The following GRIP1 variants were observed in gnomAD, a reference collection of about 807,000 sequenced individuals.
The protein encoded by GRIP1 is glutamate receptor-interacting protein 1.
In GRIP1, 45 loss-of-function variants were observed where a neutral mutation model predicts 129.9. The ratio of observed to expected loss-of-function variants is 0.35; its 90% CI spans 0.27 to 0.44. GRIP1 has a LOEUF of 0.44. Ranked by LOEUF, GRIP1 falls within the 20% of genes least tolerant of loss-of-function variation. The pLI is 1.00. For synonymous variants in GRIP1, 530 were observed against 520.8 expected (o/e 1.02, Z -0.24); for missense variants, 1,196 against 1,396.8 (o/e 0.86, Z 2.29).
At chr12:66,983,297 T>C (rs920237093) in intron 1 of GRIP1, among the ~76,000 whole-genome samples, 3 of 152,188 alleles carry the variant, frequency 2.0e-5, no homozygotes, top group Admixed American at 6.5e-5. Flanking sequence ...AATTAATAAA[T>C]TAATAACAAA....
At chr12:66,807,196 A>G (rs2039010456), upstream of GRIP1, among the ~76,000 whole-genome samples, 1 of 152,042 alleles carries the variant, frequency 6.6e-6, no homozygotes, top group Non-Finnish European at 1.5e-5. Context: ...ATTTCTTGAT[A>G]TGGTTTATAT....
intron 1 of GRIP1, among the ~76,000 whole-genome samples, chr12:66,938,813 C>T (rs185232097): frequency 2.2e-4 from 34 of 152,076 alleles, no homozygotes; most frequent in Admixed American, 9.2e-4. Context: ...AAAAATTAGC[C>T]AGGCGTGGTG....
At chr12:66,425,366 C>T (rs532370442) in intron 14 of GRIP1, among the ~76,000 whole-genome samples, 2 of 152,192 alleles carry the variant, frequency 1.3e-5, no homozygotes, top group Non-Finnish European at 2.9e-5. Context: ...CACTTTTACA[C>T]TGTTGGTGGG....
intron 1 of GRIP1, among the ~76,000 whole-genome samples, chr12:66,907,157 T>C (rs1399414768): frequency 6.6e-6 from 1 of 152,224 alleles, no homozygotes; most frequent in African/African-American, 2.4e-5. Context: ...TCATTTTTTG[T>C]TAGTTGACTT....
chr12:66,761,413 C>T (rs1170734750), intron 1 of GRIP1, among the ~76,000 whole-genome samples: 1 of 152,122 alleles, frequency 6.6e-6, no homozygotes, highest in Non-Finnish European at 1.5e-5. Flanking sequence ...CTTATTGTTT[C>T]CTTACCTAAA....
At chr12:66,987,065 G>T (rs11176517) in intron 1 of GRIP1, among the ~76,000 whole-genome samples, 30,080 of 151,768 alleles carry the variant, frequency 0.2, 3,079 homozygotes, top group East Asian at 0.4. Flanking sequence ...CCTAATCAGG[G>T]GTCAGAAGAA....
At position 66,449,257 on chromosome 12, in the gene GRIP1, A is replaced by G. The variant is rs116212964; in HGVS notation, c.1355-3749T>C. Among the ~76,000 whole-genome samples the G allele has an allele frequency of 2.6e-3, 401 of 152,292 alleles. 5 individuals are homozygous for G. The highest frequency in any genetic ancestry group is 9.3e-3 in the African/African-American group (388 of 41,560). ...ATCTTAGTGCCTGGAAGATTCAACA[A>G]ATGCTGAATAAATGAGGAATGAATC... On this transcript the variant is annotated intron_variant, in intron 11 of 24. Coordinates refer to ENST00000359742, the MANE Select transcript of GRIP1 (RefSeq NM_001366722.1).
intron 2 of GRIP1, among the ~76,000 whole-genome samples, chr12:66,577,056 TA>T (rs1366362199): frequency 8.5e-5 from 13 of 152,174 alleles, no homozygotes; most frequent in Non-Finnish European, 4.4e-5. Context: ...TGCTCCATGC[TA>T]AAGACCATTG....
At chr12:66,369,312 G>A (rs1468473946) in intron 23 of GRIP1, among the ~76,000 whole-genome samples, 1 of 133,032 alleles carries the variant, frequency 7.5e-6, no homozygotes, top group Non-Finnish European at 1.6e-5. Flanking sequence ...GTAAGTGGAT[G>A]ATACTTTTTT....
chr12:66,802,489 T>C (rs990358839), intron 1 of GRIP1, among the ~76,000 whole-genome samples: 4 of 152,218 alleles, frequency 2.6e-5, no homozygotes, highest in Non-Finnish European at 4.4e-5. Flanking sequence ...GGAATATTTC[T>C]TAGATACCTC....
intron 1 of GRIP1, among the ~76,000 whole-genome samples, chr12:66,692,396 G>A (rs999989100): frequency 7.2e-5 from 11 of 152,240 alleles, no homozygotes; most frequent in South Asian, 2.1e-4. Flanking sequence ...TTGGCACTGC[G>A]TCTACATGGC....
chr12:66,742,405 A>G (rs2036815549), intron 1 of GRIP1, among the ~76,000 whole-genome samples: 4 of 152,318 alleles, frequency 2.6e-5, no homozygotes, highest in African/African-American at 9.6e-5. Flanking sequence ...ACACGCAGCT[A>G]TGCCACCCAC....
At chr12:66,531,242 AAAAAAAAAAAATATATATATATATATAT>A in intron 4 of GRIP1, among the ~76,000 whole-genome samples, 1 of 49,982 alleles carries the variant, frequency 2.0e-5, no homozygotes, top group African/African-American at 1.1e-4. Context: ...TCTCAAAAAA[AAAAAAAAAAAATATATATATATATATAT>A]ATATATATAT....
At chr12:66,710,714 A>G (rs1201929068) in intron 1 of GRIP1, among the ~76,000 whole-genome samples, 2 of 151,984 alleles carry the variant, frequency 1.3e-5, no homozygotes, top group African/African-American at 4.8e-5. Context: ...CTTAACATAA[A>G]TAATGCAAGA....
At chr12:67,057,821 T>C (rs2135875851) in intron 1 of GRIP1, among the ~76,000 whole-genome samples, 1 of 152,330 alleles carries the variant, frequency 6.6e-6, no homozygotes, top group African/African-American at 2.4e-5. Context: ...AAATGTGAAA[T>C]GGTAACAAAG....
chr12:66,510,655 T>C (rs1424615159), intron 7 of GRIP1, among the ~76,000 whole-genome samples: 2 of 152,104 alleles, frequency 1.3e-5, no homozygotes, highest in East Asian at 3.9e-4. Context: ...ATAAAACTGA[T>C]AGTTTCAATA....
chr12:66,651,344 C>G (rs528919449), intron 1 of GRIP1, among the ~76,000 whole-genome samples: 4 of 152,182 alleles, frequency 2.6e-5, no homozygotes, highest in Non-Finnish European at 5.9e-5. Flanking sequence ...CTCAGAAAAG[C>G]CTGAGGCTGG....
intron 7 of GRIP1, among the ~76,000 whole-genome samples, chr12:66,478,157 C>T (rs1485005038): frequency 6.6e-6 from 1 of 152,106 alleles, no homozygotes; most frequent in Non-Finnish European, 1.5e-5. Flanking sequence ...TCCTAATCTA[C>T]AAAGAACTCA....
chr12:66,887,496 G>A (rs1319702336), intron 1 of GRIP1, among the ~76,000 whole-genome samples: 3 of 152,122 alleles, frequency 2.0e-5, no homozygotes, highest in Non-Finnish European at 4.4e-5. Context: ...TGTTAGTACT[G>A]TTATCATTTC....
Sources: allele counts gnomAD v4.1 joint callset (sites outside exome capture counted in the v4.1 genomes callset), GRCh38; gene constraint gnomAD v4.1.1; transcripts MANE v1.5; gene names NCBI Gene and HGNC (gene_info 2026-07-23, HGNC 2026-07-21).